The following PRKCA variants were observed in gnomAD, a reference collection of about 807,000 sequenced individuals.
PRKCA encodes protein kinase C alpha.
A neutral mutation model predicts 87.0 loss-of-function variants in PRKCA; 27 were observed. That is an observed-to-expected ratio of 0.31 (90% CI 0.23 to 0.43). The LOEUF (loss-of-function observed/expected upper bound fraction) is 0.43. Ranked by LOEUF, PRKCA falls within the 20% of genes least tolerant of loss-of-function variation. The pLI is 1.00. For synonymous variants in PRKCA, 329 were observed against 311.1 expected, an observed-to-expected ratio of 1.06 and a Z score of -0.61; for missense variants, 518 against 852.3, an observed-to-expected ratio of 0.61 and a Z score of 4.88.
intron 14 of PRKCA, chr17:66,775,675 C>G: frequency 4.1e-6 from 4 of 985,464 alleles, no homozygotes; most frequent in Non-Finnish European, 4.8e-6. Flanking sequence ...GAGCCACCCC[C>G]AAAGACATCT....
intron 13 of PRKCA, among the ~76,000 whole-genome samples, chr17:66,756,430 G>A (rs1974549550): frequency 6.6e-6 from 1 of 151,948 alleles, no homozygotes; most frequent in South Asian, 2.1e-4. Context: ...CTCATCGTCG[G>A]ACCGTAGCAC....
chr17:66,736,369 C>A (rs1324916796), intron 10 of PRKCA, among the ~76,000 whole-genome samples: 1 of 152,014 alleles, frequency 6.6e-6, no homozygotes, highest in African/African-American at 2.4e-5. Flanking sequence ...CCTCCACCTC[C>A]CAGGCTCAAG....
chr17:66,782,873 G>T (rs1482823634), intron 14 of PRKCA, among the ~76,000 whole-genome samples: 1 of 152,202 alleles, frequency 6.6e-6, no homozygotes, highest in Non-Finnish European at 1.5e-5. Flanking sequence ...CCAAATTCAG[G>T]ATGCCTGGGT....
chr17:66,347,404 G>A (rs936554853), intron 2 of PRKCA, among the ~76,000 whole-genome samples: 6 of 152,146 alleles, frequency 3.9e-5, no homozygotes, highest in Admixed American at 2.0e-4. Context: ...GCTTTTTCAC[G>A]TAACTGGAGA....
chr17:66,482,540 G>A (rs917411506), intron 2 of PRKCA, among the ~76,000 whole-genome samples: 3 of 152,220 alleles, frequency 2.0e-5, no homozygotes, highest in Non-Finnish European at 4.4e-5. Context: ...CACTGAGTAC[G>A]AGGTGAAGAT....
chr17:66,689,271 C>T lies in PRKCA; in HGVS notation c.918+224C>T, dbSNP rs1365261210. 2.0e-5 allele frequency among the ~76,000 whole-genome samples: 3 copies of T among 152,066 alleles called. No individual in the cohort carries two copies. Among genetic ancestry groups the T allele is most frequent in the Non-Finnish European group, 2.9e-5 (2 of 68,020 alleles). Reference sequence around the variant, plus strand: ...CTTAGAAAATGGAAACTGGAAATATCGCAGAACTGAGAGCATGGTTGATTT... The same window carrying T: ...CTTAGAAAATGGAAACTGGAAATATTGCAGAACTGAGAGCATGGTTGATTT... On this transcript the variant is annotated intron_variant, in intron 8 of 16. Transcript: ENST00000413366. The surrounding 1 kb of genome is among the most constrained non-coding windows in gnomAD (Gnocchi z 4.1).
In PRKCA at chr17:66,803,761, A is replaced by G; in HGVS notation, c.1855-112A>G. The G allele has an allele frequency of 6.9e-7, 1 of 1,440,194 alleles. No homozygotes were observed. Among genetic ancestry groups the G allele is most frequent in the Non-Finnish European group, 9.3e-7 (1 of 1,074,744 alleles). 89.2% of individuals were successfully genotyped at this position (1,440,194 alleles called of 1,614,324 possible). A position where few individuals can be genotyped will look rare whatever the true frequency, so the allele number is the denominator to read the frequency against. ...AAGTCCTCCGAGATTCCTCCTCCTAACCAGCCCGGAGTTCCCCAGGGCCGT... is the reference window on the plus strand; with the variant it reads ...AAGTCCTCCGAGATTCCTCCTCCTAGCCAGCCCGGAGTTCCCCAGGGCCGT... On this transcript the variant is annotated intron_variant, in intron 16 of 16. Coordinates refer to ENST00000413366, the MANE Select transcript of PRKCA (RefSeq NM_002737.3). This position sits in a 1 kb window ranked among gnomAD's most constrained non-coding sequence, Gnocchi z 4.4.
At chr17:66,489,889 T>C (rs1288435836) in intron 2 of PRKCA, among the ~76,000 whole-genome samples, 1 of 151,974 alleles carries the variant, frequency 6.6e-6, no homozygotes, top group Non-Finnish European at 1.5e-5. Flanking sequence ...CAAGCCGTCC[T>C]CCTGCCTCAG....
chr17:66,366,998 CT>C (rs1191980157), intron 2 of PRKCA, among the ~76,000 whole-genome samples: 2 of 152,188 alleles, frequency 1.3e-5, no homozygotes, highest in African/African-American at 4.8e-5. Context: ...TCAAAATGAT[CT>C]TTTCAGGTTT....
intron 3 of PRKCA, among the ~76,000 whole-genome samples, chr17:66,505,294 A>G (rs1419459354): frequency 1.3e-5 from 2 of 152,156 alleles, no homozygotes; most frequent in Non-Finnish European, 2.9e-5. Context: ...AGTGGGTGGC[A>G]TGGCCATTCT....
chr17:66,362,941 G>A (rs1174336534), intron 2 of PRKCA, among the ~76,000 whole-genome samples: 17 of 152,106 alleles, frequency 1.1e-4, no homozygotes, highest in East Asian at 1.9e-4. Flanking sequence ...GGATCCACCC[G>A]CCTCAGCCTC....
chr17:66,706,649 A>G (rs1048055593), intron 8 of PRKCA, among the ~76,000 whole-genome samples: 4 of 152,006 alleles, frequency 2.6e-5, no homozygotes, highest in African/African-American at 9.7e-5. Flanking sequence ...AAAAAAAAAA[A>G]AAGAGTGGTT....
At chr17:66,566,575 C>T (rs1315291016) in intron 3 of PRKCA, among the ~76,000 whole-genome samples, 4 of 142,792 alleles carry the variant, frequency 2.8e-5, no homozygotes, top group African/African-American at 1.0e-4. Context: ...GGACTTAGAT[C>T]CATGGGGGAA....
intron 8 of PRKCA, among the ~76,000 whole-genome samples, chr17:66,701,131 A>G (rs1802956724): frequency 6.6e-6 from 1 of 152,190 alleles, no homozygotes; most frequent in African/African-American, 2.4e-5. Flanking sequence ...GAAAACCCAG[A>G]AATAAACCCC....
intron 11 of PRKCA, among the ~76,000 whole-genome samples, chr17:66,740,637 CCTTTT>C (rs779700496): frequency 8.5e-5 from 13 of 152,214 alleles, no homozygotes; most frequent in East Asian, 5.8e-4. Context: ...AAATGCCTGT[CCTTTT>C]CTTCTGTCTT....
intron 2 of PRKCA, among the ~76,000 whole-genome samples, chr17:66,334,762 G>A (rs952342767): frequency 2.0e-5 from 3 of 152,180 alleles, no homozygotes; most frequent in African/African-American, 7.2e-5. Context: ...CTGGGTATCT[G>A]CCCATAAGAA....
intron 2 of PRKCA, among the ~76,000 whole-genome samples, chr17:66,461,721 G>A (rs1391871580): frequency 6.6e-6 from 1 of 152,180 alleles, no homozygotes; most frequent in East Asian, 1.9e-4. Flanking sequence ...TTTATATTAT[G>A]ATAGCAGATA....
chr17:66,724,759 A>T (rs961604450), intron 8 of PRKCA, among the ~76,000 whole-genome samples: 1 of 152,198 alleles, frequency 6.6e-6, no homozygotes, highest in Non-Finnish European at 1.5e-5. Flanking sequence ...CTCTGCAGTT[A>T]GGCTGTTAGC....
At chr17:66,539,069 C>T (rs939845751) in intron 3 of PRKCA, among the ~76,000 whole-genome samples, 1 of 152,224 alleles carries the variant, frequency 6.6e-6, no homozygotes, top group African/African-American at 2.4e-5. Flanking sequence ...TCAACACTTA[C>T]CAAAGCTCAT....
Sources: allele counts gnomAD v4.1 joint callset (sites outside exome capture counted in the v4.1 genomes callset), GRCh38; gene constraint gnomAD v4.1.1; non-coding constraint Gnocchi (gnomAD v3.1); transcripts MANE v1.5; gene names NCBI Gene and HGNC (gene_info 2026-07-23, HGNC 2026-07-21).